The following GNS variants were observed in gnomAD, a reference collection of about 807,000 sequenced individuals.
The protein encoded by GNS is N-acetylglucosamine-6-sulfatase.
In GNS, 40 loss-of-function variants were observed where a neutral mutation model predicts 69.7. That is an observed-to-expected ratio of 0.57 (90% CI 0.45 to 0.75). The LOEUF (loss-of-function observed/expected upper bound fraction) is 0.75, where lower values mean the gene tolerates loss of function less well. GNS is among the 30% of genes least tolerant of loss of function. The pLI, the probability that GNS is intolerant of heterozygous loss-of-function variation, is 0.00. For synonymous variants in GNS, 243 were observed against 251.6 expected (o/e 0.97, Z 0.32); for missense variants, 565 against 685.5 (o/e 0.82, Z 1.96).
At chr12:64,726,812 T>C (rs1869215599) in intron 10 of GNS, among the ~76,000 whole-genome samples, 1 of 151,514 alleles carries the variant, frequency 6.6e-6, no homozygotes, top group Non-Finnish European at 1.5e-5. Flanking sequence ...TCTTAATACA[T>C]GGAAAAGACA....
At chr12:64,743,691 T>C (rs1350585413) in intron 5 of GNS, among the ~76,000 whole-genome samples, 11 of 152,160 alleles carry the variant, frequency 7.2e-5, no homozygotes, top group Non-Finnish European at 1.5e-4. Context: ...CTTAAAACAG[T>C]GGGAAAGGTA....
chr12:64,736,520 T>C (rs1050771775), intron 9 of GNS, among the ~76,000 whole-genome samples: 2 of 152,230 alleles, frequency 1.3e-5, no homozygotes, highest in African/African-American at 4.8e-5. Context: ...CAGAAAAGCC[T>C]GAGGGGCTCT....
At chr12:64,733,144 A>T (rs181253079) in intron 9 of GNS, among the ~76,000 whole-genome samples, 474 of 151,764 alleles carry the variant, frequency 3.1e-3, no homozygotes, top group African/African-American at 0.011. Context: ...AACAAAAAAC[A>T]AAAATTAGCT....
At chr12:64,754,500 G>A (rs1870185084) in intron 1 of GNS, among the ~76,000 whole-genome samples, 1 of 152,134 alleles carries the variant, frequency 6.6e-6, no homozygotes, top group African/African-American at 2.4e-5. Context: ...AGAAGCCAGT[G>A]TGGTGATGGA....
intron 12 of GNS, among the ~76,000 whole-genome samples, chr12:64,721,159 AC>A (rs2136237069): frequency 6.6e-6 from 1 of 152,134 alleles, no homozygotes; most frequent in South Asian, 2.1e-4. Flanking sequence ...TTGGCCAAAA[AC>A]CACCTTCTTC....
chr12:64,756,518 G>C (rs767504997), intron 1 of GNS: 1 of 530,538 alleles, frequency 1.9e-6, no homozygotes, highest in Non-Finnish European at 3.3e-6. Context: ...GAGGTCATAA[G>C]ATACCCAGGC....
chr12:64,714,652 T>G lies in GNS; in HGVS notation c.*2089A>C, dbSNP rs1434476788. The G allele has an allele frequency of 6.6e-6, 1 of 152,230 alleles. No individual in the cohort carries two copies. Among genetic ancestry groups the G allele is most frequent in the Non-Finnish European group, 1.5e-5 (1 of 68,046 alleles). 9.4% of individuals were successfully genotyped at this position (152,230 alleles called of 1,614,324 possible). ...GCGTGGCTGAGGTGCCGTCAGCAGC[T>G]GACTATGTCACTCTTATGAGTTCTG... is the stretch of plus-strand genomic sequence containing the variant. On this transcript the variant is annotated 3_prime_UTR_variant, in exon 14 of 14. Transcript: ENST00000258145.
intron 2 of GNS, among the ~76,000 whole-genome samples, chr12:64,749,149 C>T (rs1869991679): frequency 6.7e-6 from 1 of 150,178 alleles, no homozygotes; most frequent in Non-Finnish European, 1.5e-5. Context: ...CCGTGTTAGC[C>T]AGAATGGTCT....
intron 12 of GNS, among the ~76,000 whole-genome samples, chr12:64,721,347 G>A (rs939348341): frequency 7.9e-5 from 12 of 152,202 alleles, no homozygotes; most frequent in Non-Finnish European, 1.6e-4. Context: ...TTCTGAAAAC[G>A]TGAATTGTGC....
At chr12:64,724,954 C>A (rs1309192717) in intron 10 of GNS, among the ~76,000 whole-genome samples, 2 of 152,168 alleles carry the variant, frequency 1.3e-5, no homozygotes, top group South Asian at 2.1e-4. Flanking sequence ...ATTGAGTGAA[C>A]TTCAAAATCC....
chr12:64,752,705 G>GA lies in GNS; in HGVS notation c.244dup (p.Ser82PhefsTer25). The GA allele has an allele frequency of 6.6e-7, 1 of 1,506,420 alleles. No homozygotes were observed. Among genetic ancestry groups the GA allele is most frequent in the Non-Finnish European group, 9.2e-7 (1 of 1,083,726 alleles). 93.3% of individuals were successfully genotyped at this position (1,506,420 alleles called of 1,614,324 possible). A position where few individuals can be genotyped will look rare whatever the true frequency, so the allele number is the denominator to read the frequency against. On this transcript the variant is annotated frameshift_variant, in exon 2 of 14. Transcript: ENST00000258145. LOFTEE classifies it high-confidence loss of function. ...ATTAACTTTCAAACTTACAGCACTG[G>GA]AAAAAGTCATCCCCATCTCTCCGAT...
chr12:64,748,349 T>C lies in GNS; in HGVS notation c.253-431A>G, dbSNP rs189169433. The stretch of plus-strand genomic sequence containing the variant: ...CCTAACAGCTTGGAGTACAGGTGTG[T>C]GCCACCATCCTGGCTTTTTTTTTTT... On this transcript the variant is annotated intron_variant, in intron 2 of 13. Coordinates refer to ENST00000258145, the MANE Select transcript of GNS (RefSeq NM_002076.4). Among the ~76,000 whole-genome samples, 1,262 of 151,546 alleles carry C rather than the reference T, an allele frequency of 8.3e-3. 11 individuals are homozygous for C. Among genetic ancestry groups the C allele is most frequent in the African/African-American group, 0.029 (1,203 of 41,344 alleles).
At chr12:64,718,843 A>G (rs141804635) in intron 13 of GNS, among the ~76,000 whole-genome samples, 2 of 152,364 alleles carry the variant, frequency 1.3e-5, no homozygotes, top group African/African-American at 4.8e-5. Context: ...ACTGTTGGAA[A>G]TTGCAAAGTC....
At chr12:64,738,826 C>CA (rs33924782) in intron 8 of GNS, among the ~76,000 whole-genome samples, 12,940 of 151,024 alleles carry the variant, frequency 0.086, 634 homozygotes, top group Admixed American at 0.13. Context: ...ACCAGCCCCC[C>CA]AAAAAAATCA....
intron 2 of GNS, among the ~76,000 whole-genome samples, chr12:64,749,856 T>C (rs1162393793): frequency 1.3e-5 from 2 of 151,366 alleles, no homozygotes; most frequent in African/African-American, 4.9e-5. Context: ...TATTACATTT[T>C]AGCATCTGGT....
chr12:64,742,961 A>G (rs1565625573), intron 6 of GNS, among the ~76,000 whole-genome samples, 180 bp downstream of exon 6: 1 of 152,248 alleles, frequency 6.6e-6, no homozygotes, highest in African/African-American at 2.4e-5. Context: ...GATGTGTAGC[A>G]GGAACTTTAT....
rs1365097706 is a variant in GNS, at chr12:64,740,643, A to G, written c.838T>C (p.Ser280Pro). 1.3e-6 allele frequency: 2 copies of G among 1,589,212 alleles called. No individual in the cohort carries two copies. The highest frequency in any genetic ancestry group is 2.2e-5 in the East Asian group (1 of 44,770). ...IRQAKTPMTN[S>P]SIQFLDNAFR... ...GCATTATCTAAAAACTGTATTGAAG[A>G]ATTAGTCATTGGAGTCTTGGCTTGC... Residue 280 changes from serine to proline, a missense_variant, in exon 7 of 14, where the codon TCT (serine) becomes CCT (proline). Physicochemically the swap from Ser to Pro is moderately conservative, Grantham distance 74. Around this residue, in one of 2 missense-constraint regions of GNS, gnomAD observed 384 missense variants for 511.0 expected, o/e 0.75. Coordinates refer to ENST00000258145, the MANE Select transcript of GNS (RefSeq NM_002076.4).
chr12:64,736,864 C>G, intron 9 of GNS, 140 bp downstream of exon 9: 1 of 658,278 alleles, frequency 1.5e-6, no homozygotes, highest in Non-Finnish European at 2.7e-6. Flanking sequence ...AAAAAGCAAT[C>G]ATTGTTTCCA....
In GNS at chr12:64,744,847, C is replaced by T; in HGVS notation, c.586G>A (p.Gly196Ser). 13 of 1,569,936 alleles carry T rather than the reference C, an allele frequency of 8.3e-6. No homozygotes were observed. Among genetic ancestry groups the T allele is most frequent in the Non-Finnish European group, 1.1e-5 (13 of 1,139,706 alleles). ...AGGTAGTCCACACTATAGTTTTCAC[C>T]ATGCTTCCGTGCCTTCCCATTGATA... is the stretch of plus-strand genomic sequence containing the variant. ...LSINGKARKH[G>S]ENYSVDYLTD... The change falls in exon 5 of 14, where the codon GGT becomes AGT. Residue 196 changes from glycine (G) to serine (S), a missense_variant. Around this residue, in one of 2 missense-constraint regions of GNS, gnomAD observed 384 missense variants for 511.0 expected, o/e 0.75. Transcript: ENST00000258145.
Sources: gnomAD v4.1 joint callset for allele counts (sites outside exome capture counted in the v4.1 genomes callset) on GRCh38, gnomAD v4.1.1 for gene constraint, gnomAD v4.1.1 regional missense constraint, MANE v1.5 for transcripts, NCBI Gene and HGNC (gene_info 2026-07-23, HGNC 2026-07-21) for gene names.